Variants in TEAD1 observed in about 807,000 individuals in gnomAD.
TEAD1 encodes TEA domain transcription factor 1, also known as transcriptional enhancer factor TEF-1.
TEAD1 carries 9 observed loss-of-function variants against 54.9 expected under a neutral mutation model. The ratio of observed to expected loss-of-function variants is 0.16; its 90% CI spans 0.10 to 0.29. The LOEUF is 0.29. Among genes scored for constraint, TEAD1 ranks in the 10% least tolerant of loss-of-function variants. The probability of loss-of-function intolerance (pLI) is 1.00; values close to 1 mark genes in which losing one functional copy is unlikely to be tolerated. For synonymous variants in TEAD1, 200 were observed against 187.8 expected, an observed-to-expected ratio of 1.07 and a Z score of -0.53; for missense variants, 387 against 535.9, an observed-to-expected ratio of 0.72 and a Z score of 2.74.
At chr11:12,923,223 C>T (rs1367289831) in intron 10 of TEAD1, among the ~76,000 whole-genome samples, 1 of 152,118 alleles carries the variant, frequency 6.6e-6, no homozygotes, top group Non-Finnish European at 1.5e-5. Flanking sequence ...GATATTTCAC[C>T]TCTCCAGCTC....
chr11:12,930,300 G>A lies in TEAD1; in HGVS notation c.1141G>A (p.Val381Ile). Reference sequence around the variant, plus strand: ...ACCAGAGAAATATATGATGAACAGTGTTTTGGAAAACTTCACAATTTTATT... The same window carrying A: ...ACCAGAGAAATATATGATGAACAGTATTTTGGAAAACTTCACAATTTTATT... The change falls in exon 12 of 13, where the codon GTT becomes ATT. Residue 381 changes from valine to isoleucine, a missense_variant. Physicochemically the swap from Val to Ile is conservative, Grantham distance 29. Around this residue, in one of 5 missense-constraint regions of TEAD1, gnomAD observed 123 missense variants for 199.0 expected, o/e 0.62. Coordinates refer to ENST00000527636, the MANE Select transcript of TEAD1 (RefSeq NM_021961.6). 1 of 1,614,204 alleles carries A rather than the reference G, an allele frequency of 6.2e-7. No homozygotes were observed. The highest frequency in any genetic ancestry group is 8.5e-7 in the Non-Finnish European group (1 of 1,180,042).
At chr11:12,920,075 T>A (rs569005803) in intron 10 of TEAD1, among the ~76,000 whole-genome samples, 1 of 152,204 alleles carries the variant, frequency 6.6e-6, no homozygotes, top group African/African-American at 2.4e-5. Context: ...CATTCTCTGT[T>A]TCTGCTTTGG....
At chr11:12,855,077 C>G (rs1193395223) in intron 3 of TEAD1, among the ~76,000 whole-genome samples, 1 of 152,110 alleles carries the variant, frequency 6.6e-6, no homozygotes, top group Non-Finnish European at 1.5e-5. Flanking sequence ...TAACTCCTCA[C>G]AGGTTAGTTA....
chr11:12,875,851 T>G (rs1389644947), intron 5 of TEAD1, among the ~76,000 whole-genome samples: 1 of 152,240 alleles, frequency 6.6e-6, no homozygotes, highest in Non-Finnish European at 1.5e-5. Flanking sequence ...TTGAAAAGTA[T>G]CTGTTTATAA....
chr11:12,901,394 C>T (rs569263875), intron 9 of TEAD1, among the ~76,000 whole-genome samples: 1 of 152,228 alleles, frequency 6.6e-6, no homozygotes, highest in East Asian at 1.9e-4. Context: ...TTGAGCAGCC[C>T]TTATGTAGAA....
At chr11:12,846,428 T>G (rs1308759688) in intron 3 of TEAD1, among the ~76,000 whole-genome samples, 2 of 152,220 alleles carry the variant, frequency 1.3e-5, no homozygotes, top group African/African-American at 2.4e-5. Flanking sequence ...AAGGGTTTGC[T>G]GGATAATTTC....
intron 2 of TEAD1, among the ~76,000 whole-genome samples, chr11:12,709,923 A>G (rs543372358): frequency 4.0e-4 from 61 of 152,100 alleles, no homozygotes; most frequent in African/African-American, 1.3e-3. Flanking sequence ...TTCATTTTTT[A>G]AAAGGGACTC....
intron 5 of TEAD1, among the ~76,000 whole-genome samples, chr11:12,876,258 AT>A (rs1412069852): frequency 2.0e-5 from 3 of 152,138 alleles, no homozygotes; most frequent in Admixed American, 2.0e-4. Context: ...ACACTGACTG[AT>A]TTCCGTTTCA....
intron 2 of TEAD1, among the ~76,000 whole-genome samples, chr11:12,686,233 T>C (rs915930237): frequency 2.0e-5 from 3 of 152,368 alleles, no homozygotes; most frequent in African/African-American, 7.2e-5. Context: ...ACTGGCAGAC[T>C]AGACTTTTCT....
At chr11:12,739,238 A>ATCTATCTATCTG (rs1554927202) in intron 2 of TEAD1, among the ~76,000 whole-genome samples, 7 of 151,560 alleles carry the variant, frequency 4.6e-5, no homozygotes, top group African/African-American at 1.7e-4. Context: ...CTATCTATCT[A>ATCTATCTATCTG]TCTATCAGTC....
At chr11:12,859,742 G>A (rs542233998) in intron 3 of TEAD1, among the ~76,000 whole-genome samples, 1 of 152,266 alleles carries the variant, frequency 6.6e-6, no homozygotes, top group East Asian at 1.9e-4. Context: ...AATCTAAGGG[G>A]ATGAAATGGA....
intron 2 of TEAD1, among the ~76,000 whole-genome samples, chr11:12,688,997 G>C (rs929759993): frequency 6.7e-6 from 1 of 150,196 alleles, no homozygotes; most frequent in Non-Finnish European, 1.5e-5. Context: ...TGGATTTCCT[G>C]CTTTGTTGTT....
chr11:12,700,715 T>C (rs943889098), intron 2 of TEAD1, among the ~76,000 whole-genome samples: 2 of 152,232 alleles, frequency 1.3e-5, no homozygotes, highest in Admixed American at 6.5e-5. Context: ...CAGTTATTTA[T>C]AATACTGTTG....
intron 3 of TEAD1, among the ~76,000 whole-genome samples, chr11:12,837,679 T>TCTTTCTC (rs60498081): frequency 0.93 from 138,008 of 147,882 alleles, 65,208 homozygotes; most frequent in Non-Finnish European, 1. Context: ...CCTTCTTCCT[T>TCTTTCTC]CTTTCTCCCT....
chr11:12,937,323 C>G lies in TEAD1; in HGVS notation c.*101C>G. 9.5e-7 allele frequency: 1 copy of G among 1,050,814 alleles called. No individual in the cohort carries two copies. Among genetic ancestry groups the G allele is most frequent in the Admixed American group, 2.0e-5 (1 of 49,928 alleles). The allele number at this position is 1,050,814 out of a possible 1,614,324, so 65.1% of individuals were successfully genotyped here. On this transcript the variant is annotated 3_prime_UTR_variant, in exon 13 of 13. Transcript: ENST00000527636. ...TCGAACGACTGACTGTAAACCTCAC[C>G]ACACAGGGTGGTGCCCTGGCCCCGA...
At chr11:12,863,336 G>A (rs559294226) in intron 4 of TEAD1, among the ~76,000 whole-genome samples, 46 of 152,188 alleles carry the variant, frequency 3.0e-4, no homozygotes, top group Non-Finnish European at 5.4e-4. Context: ...CGCAGAGGCA[G>A]CGCATTGTCT....
intron 9 of TEAD1, among the ~76,000 whole-genome samples, chr11:12,884,107 T>C (rs1252942448): frequency 6.6e-6 from 1 of 152,094 alleles, no homozygotes; most frequent in Non-Finnish European, 1.5e-5. Flanking sequence ...ACTCTATTTG[T>C]CACTTTCTTC....
intron 2 of TEAD1, among the ~76,000 whole-genome samples, chr11:12,732,100 A>C (rs1944435958): frequency 6.6e-6 from 1 of 152,074 alleles, no homozygotes; most frequent in African/African-American, 2.4e-5. Context: ...TTCAGCCCTA[A>C]GTGCATGACT....
intron 2 of TEAD1, among the ~76,000 whole-genome samples, chr11:12,719,499 A>G (rs558156961): frequency 1.5e-5 from 2 of 134,658 alleles, no homozygotes; most frequent in South Asian, 2.3e-4. Flanking sequence ...CTCTTAAGCT[A>G]TGCTCCTTGC....
Sources: gnomAD v4.1 joint callset for allele counts (sites outside exome capture counted in the v4.1 genomes callset) on GRCh38, gnomAD v4.1.1 for gene constraint, gnomAD v4.1.1 regional missense constraint, MANE v1.5 for transcripts, NCBI Gene and HGNC (gene_info 2026-07-23, HGNC 2026-07-21) for gene names.